Variants in PLXNA4 observed in about 807,000 individuals in gnomAD.
PLXNA4 encodes plexin A4, also known as plexin-A4.
PLXNA4 carries 44 observed loss-of-function variants against 191.8 expected under a neutral mutation model. The observed-to-expected ratio is 0.23, with a 90% CI of 0.18 to 0.29. PLXNA4 has a LOEUF of 0.29. Among genes scored for constraint, PLXNA4 ranks in the 10% least tolerant of loss-of-function variants. The probability of loss-of-function intolerance (pLI) is 1.00; values close to 1 mark genes in which losing one functional copy is unlikely to be tolerated. For missense variants in PLXNA4, 1,800 were observed against 2,488.8 expected (o/e 0.72, Z 5.89); for synonymous variants, 1,082 against 1,009.5 (o/e 1.07, Z -1.36).
intron 4 of PLXNA4, among the ~76,000 whole-genome samples, chr7:132,291,848 G>A (rs554324989): frequency 1.3e-5 from 2 of 152,286 alleles, no homozygotes; most frequent in South Asian, 2.1e-4. Context: ...AGGCTGGAGT[G>A]CAGTGGCATG....
Position 132,179,918 on chromosome 7 carries a change from G to A in PLXNA4, c.3643C>T (p.Arg1215Cys). ...GGGGAGTACTCCATGCCACCGACACGGGCCTGGGGGCACACAGGGCAAGAG... is the reference window on the plus strand; with the variant it reads ...GGGGAGTACTCCATGCCACCGACACAGGCCTGGGGGCACACAGGGCAAGAG... The part of the protein sequence containing the change: ...NLIGRHKVMA[R>C]VGGMEYSPGM... Residue 1215 changes from arginine to cysteine, a missense_variant, in exon 20 of 32, where the codon CGT becomes TGT. Around this residue, in one of 6 missense-constraint regions of PLXNA4, gnomAD observed 1,397 missense variants for 1,880.4 expected, o/e 0.74. Transcript: ENST00000321063. 6 of 1,604,072 alleles carry A rather than the reference G, an allele frequency of 3.7e-6. No homozygotes were observed. The highest frequency in any genetic ancestry group is 5.1e-6 in the Non-Finnish European group (6 of 1,174,476).
chr7:132,320,640 C>CTTTT (rs1802123934), intron 3 of PLXNA4, among the ~76,000 whole-genome samples: 1 of 152,000 alleles, frequency 6.6e-6, no homozygotes. Context: ...CTTCTCCAAG[C>CTTTT]ACTGAATGAC....
At chr7:132,353,684 C>T (rs773345049) in intron 3 of PLXNA4, among the ~76,000 whole-genome samples, 2 of 152,308 alleles carry the variant, frequency 1.3e-5, no homozygotes, top group Middle Eastern at 3.4e-3. Flanking sequence ...GCATTAGCTT[C>T]CTCTGCTGTT....
intron 29 of PLXNA4, among the ~76,000 whole-genome samples, 177 bp from the exon 30 acceptor site, chr7:132,140,988 C>T (rs932916963): frequency 6.6e-6 from 1 of 152,028 alleles, no homozygotes; most frequent in Non-Finnish European, 1.5e-5. Context: ...CTGCAGGGCC[C>T]CAATTTACCT....
intron 3 of PLXNA4, among the ~76,000 whole-genome samples, chr7:132,306,002 G>C (rs1801505762): frequency 6.6e-6 from 1 of 152,118 alleles, no homozygotes; most frequent in Admixed American, 6.5e-5. Flanking sequence ...GAGGGGAACA[G>C]AGCAAACCTG....
intron 1 of PLXNA4, among the ~76,000 whole-genome samples, chr7:132,567,134 C>A (rs1346910338): frequency 6.6e-6 from 1 of 152,094 alleles, no homozygotes; most frequent in Non-Finnish European, 1.5e-5. Flanking sequence ...ATAGGTTTCC[C>A]AACAACAGGT....
chr7:132,262,164 AT>A (rs939924693), intron 4 of PLXNA4, among the ~76,000 whole-genome samples: 16 of 152,252 alleles, frequency 1.1e-4, no homozygotes, highest in Middle Eastern at 3.4e-3. Context: ...CTGAAAATCA[AT>A]TTTAATTATA....
intron 3 of PLXNA4, among the ~76,000 whole-genome samples, chr7:132,339,205 C>G (rs1802931248): frequency 6.6e-6 from 1 of 152,198 alleles, no homozygotes; most frequent in Non-Finnish European, 1.5e-5. Context: ...TAATGATTAA[C>G]ATCTGCAATC....
At chr7:132,140,518 T>C in intron 30 of PLXNA4, 81 bp downstream of exon 30, 2 of 1,545,240 alleles carry the variant, frequency 1.3e-6, no homozygotes, top group Non-Finnish European at 1.7e-6. Flanking sequence ...AGCTGGTTTT[T>C]GATGGGGAGG....
In PLXNA4 at chr7:132,199,874, C is replaced by T. The variant is rs149151344; in HGVS notation, c.2587-1238G>A. Among the ~76,000 whole-genome samples the T allele has an allele frequency of 2.0e-5, 3 of 152,282 alleles. No individual in the cohort carries two copies. In the East Asian group the frequency reaches 5.8e-4, roughly 29 times the overall value. On this transcript the variant is annotated intron_variant, in intron 12 of 31. Coordinates refer to ENST00000321063, the MANE Select transcript of PLXNA4 (RefSeq NM_020911.2). Reference sequence around the variant, plus strand: ...GAGGGTTGGTGTGATTGTGAGTGAGCGTGTGCAGGGGTGTGAGCCTGTGCA... The same window carrying T: ...GAGGGTTGGTGTGATTGTGAGTGAGTGTGTGCAGGGGTGTGAGCCTGTGCA...
rs796108501 is a variant in PLXNA4, at chr7:132,464,382, C to T, written c.1371+24910G>A. Among the ~76,000 whole-genome samples the T allele has an allele frequency of 5.9e-5, 9 of 152,240 alleles. 1 individual carries two copies. Among genetic ancestry groups the T allele is most frequent in the South Asian group, 4.1e-4 (2 of 4,820 alleles). On this transcript the variant is annotated intron_variant, in intron 3 of 31. Coordinates refer to ENST00000321063, the MANE Select transcript of PLXNA4 (RefSeq NM_020911.2). The stretch of plus-strand genomic sequence containing the variant: ...AGGCCCCTGTGGCATGGCGAGATGC[C>T]GTCCGGCTTGGAATGAGAAGAGTTG...
chr7:132,241,165 A>G lies in PLXNA4; in HGVS notation c.1505T>C (p.Leu502Pro), dbSNP rs1255528849. 1.2e-6 allele frequency: 2 copies of G among 1,609,596 alleles called. No homozygotes were observed. Among genetic ancestry groups the G allele is most frequent in the African/African-American group, 1.3e-5 (1 of 74,834 alleles). Residue 502 changes from leucine to proline, a missense_variant and splice_region_variant, in exon 5 of 32, where the codon CTC (leucine) becomes CCC (proline). Coordinates refer to ENST00000321063, the MANE Select transcript of PLXNA4 (RefSeq NM_020911.2). ...EQLYIMSERQ[L>P]TRVPVESCGQ... ...ACAGGACTCCACAGGGACTCTGGTG[A>G]GCTAGGACAGCAGGATAGGGAGAAG...
chr7:132,493,747 G>GTGGATGGA (rs369999925), intron 2 of PLXNA4, among the ~76,000 whole-genome samples: 69 of 146,518 alleles, frequency 4.7e-4, no homozygotes, highest in Middle Eastern at 3.4e-3. Context: ...GGGTGGATGG[G>GTGGATGGA]TGGATGGATG....
At chr7:132,176,974 T>G (rs3734995) in intron 20 of PLXNA4, among the ~76,000 whole-genome samples, 2 of 151,818 alleles carry the variant, frequency 1.3e-5, no homozygotes, top group Non-Finnish European at 2.9e-5. Flanking sequence ...AGTGTATGAG[T>G]GTGCATGCAT....
Position 132,129,075 on chromosome 7 carries a change from A to G in PLXNA4, c.*1404T>C, listed in dbSNP as rs1402021485. 1 of 152,204 alleles carries G rather than the reference A, an allele frequency of 6.6e-6. No homozygotes were observed. Among genetic ancestry groups the G allele is most frequent in the African/African-American group, 2.4e-5 (1 of 41,440 alleles). The allele number at this position is 152,204 out of a possible 1,614,324, so 9.4% of individuals were successfully genotyped here. A position where few individuals can be genotyped will look rare whatever the true frequency, so the allele number is the denominator to read the frequency against. Reference sequence around the variant, plus strand: ...TGTAGATGTAAGAACAGATGGGGAGATGGATGCCAAGGCCAAGGTCATTTG... The same window carrying G: ...TGTAGATGTAAGAACAGATGGGGAGGTGGATGCCAAGGCCAAGGTCATTTG... On this transcript the variant is annotated 3_prime_UTR_variant, in exon 32 of 32. Transcript: ENST00000321063.
At chr7:132,142,474 T>G (rs186399093) in intron 29 of PLXNA4, among the ~76,000 whole-genome samples, 290 of 152,346 alleles carry the variant, frequency 1.9e-3, no homozygotes, top group Admixed American at 4.9e-3. Flanking sequence ...ATTTCTATAC[T>G]TGCTCTATCT....
At chr7:132,230,744 T>C (rs1798497576) in intron 5 of PLXNA4, among the ~76,000 whole-genome samples, 1 of 152,226 alleles carries the variant, frequency 6.6e-6, no homozygotes, top group African/African-American at 2.4e-5. Flanking sequence ...CCCAGAGAGC[T>C]GGTACGGGCT....
chr7:132,176,642 G>A (rs949203306), intron 20 of PLXNA4, among the ~76,000 whole-genome samples: 2 of 152,144 alleles, frequency 1.3e-5, no homozygotes, highest in Non-Finnish European at 2.9e-5. Flanking sequence ...GTCAGTGAGT[G>A]TGTAGGCATG....
At chr7:132,591,414 G>C (rs564208460) in intron 2 of PLXNA4, among the ~76,000 whole-genome samples, 1 of 152,164 alleles carries the variant, frequency 6.6e-6, no homozygotes, top group Admixed American at 6.5e-5. Flanking sequence ...AATTGCCAGA[G>C]TGAATTATGA....
Sources: gnomAD v4.1 joint callset for allele counts (sites outside exome capture counted in the v4.1 genomes callset) on GRCh38, gnomAD v4.1.1 for gene constraint, gnomAD v4.1.1 regional missense constraint, MANE v1.5 for transcripts, NCBI Gene and HGNC (gene_info 2026-07-23, HGNC 2026-07-21) for gene names.